The following GABRA6 variants were observed in gnomAD, a reference collection of about 807,000 sequenced individuals.
GABRA6 encodes gamma-aminobutyric acid type A receptor subunit alpha6, also known as gamma-aminobutyric acid receptor subunit alpha-6.
A neutral mutation model predicts 47.3 loss-of-function variants in GABRA6; 45 were observed. The observed-to-expected ratio is 0.95, with a 90% CI of 0.75 to 1.22. The LOEUF (loss-of-function observed/expected upper bound fraction) is 1.22. Ranked by LOEUF, GABRA6 falls within the 50% of genes most tolerant of loss-of-function variation. The pLI, the probability that GABRA6 is intolerant of heterozygous loss-of-function variation, is 0.00. For missense variants in GABRA6, 583 were observed against 549.3 expected, an observed-to-expected ratio of 1.06 and a Z score of -0.61; for synonymous variants, 219 against 194.7, an observed-to-expected ratio of 1.12 and a Z score of -1.04.
intron 8 of GABRA6, among the ~76,000 whole-genome samples, chr5:161,694,618 A>C (rs2113079722): frequency 6.6e-6 from 1 of 152,260 alleles, no homozygotes; most frequent in East Asian, 1.9e-4. Context: ...GATTTTAAAA[A>C]ATGGTATGTA....
chr5:161,686,564 G>A (rs1754705475), intron 2 of GABRA6, among the ~76,000 whole-genome samples: 1 of 152,176 alleles, frequency 6.6e-6, no homozygotes, highest in African/African-American at 2.4e-5. Flanking sequence ...CTAAATTGTA[G>A]TGTGGGTATA....
intron 3 of GABRA6, 50 bp from the exon 4 acceptor site, chr5:161,688,899 T>C: frequency 6.6e-7 from 1 of 1,519,112 alleles, no homozygotes; most frequent in Non-Finnish European, 9.1e-7. Flanking sequence ...AATAAACTAT[T>C]CTTAGCAAAC....
Position 161,689,731 on chromosome 5 carries a change from G to T in GABRA6, c.625G>T (p.Asp209Tyr), listed in dbSNP as rs145469537. ...PEESSSLLQY[D>Y]LIGQTVSSET... The stretch of plus-strand genomic sequence containing the variant: ...AGAATCTTCAAGCCTTCTCCAGTAT[G>T]ATCTGATTGGACAAACAGTATCTAG... Residue 209 changes from aspartate (D) to tyrosine (Y), a missense_variant, in exon 6 of 9, where the codon GAT (aspartate) becomes TAT (tyrosine). Transcript: ENST00000274545. 2 of 1,613,184 alleles carry T rather than the reference G, an allele frequency of 1.2e-6. No individual in the cohort carries two copies.
At chr5:161,688,632 T>TA (rs1754736797) in intron 3 of GABRA6, among the ~76,000 whole-genome samples, 1 of 152,130 alleles carries the variant, frequency 6.6e-6, no homozygotes, top group Admixed American at 6.6e-5. Flanking sequence ...AATATTTCCA[T>TA]ATTTTTTTTC....
intron 3 of GABRA6, chr5:161,687,674 T>C (rs2113067052): frequency 3.3e-6 from 1 of 304,070 alleles, no homozygotes; most frequent in East Asian, 9.3e-5. Flanking sequence ...ATATGAATGC[T>C]GAAGTAAACA....
chr5:161,693,104 A>G (rs1179308364), intron 8 of GABRA6, among the ~76,000 whole-genome samples: 4 of 152,146 alleles, frequency 2.6e-5, no homozygotes, highest in Non-Finnish European at 5.9e-5. Flanking sequence ...TTTTTTTACA[A>G]CTGATCCATT....
chr5:161,689,246 G>A lies in GABRA6; in HGVS notation c.447-8G>A, dbSNP rs201444077. 6.2e-7 allele frequency: 1 copy of A among 1,613,932 alleles called. No individual in the cohort carries two copies. The highest frequency in any genetic ancestry group is 2.2e-5 in the East Asian group (1 of 44,876). ...CTAACTCAGAACCGTTGATTTCAAT[G>A]TTTCTAGGCTTACCATCAATGCTGA... On this transcript the variant is annotated splice_polypyrimidine_tract_variant and splice_region_variant and intron_variant, in intron 4 of 8. Transcript: ENST00000274545.
At chr5:161,693,815 T>C (rs13190034) in intron 8 of GABRA6, among the ~76,000 whole-genome samples, 85,465 of 151,838 alleles carry the variant, frequency 0.56, 24,683 homozygotes, top group Non-Finnish European at 0.64. Flanking sequence ...TAGATACTGT[T>C]TTTGTAATAA....
chr5:161,694,585 T>G (rs991619923), intron 8 of GABRA6, among the ~76,000 whole-genome samples: 1 of 152,148 alleles, frequency 6.6e-6, no homozygotes, highest in East Asian at 1.9e-4. Context: ...TAACATATAA[T>G]GAGTAGGTCC....
At chr5:161,699,741 T>G (rs977740320) in intron 8 of GABRA6, among the ~76,000 whole-genome samples, 1 of 151,978 alleles carries the variant, frequency 6.6e-6, no homozygotes, top group Non-Finnish European at 1.5e-5. Context: ...ATTACAAGCA[T>G]CAGCCACCAT....
intron 8 of GABRA6, 125 bp from the exon 9 acceptor site, chr5:161,701,373 T>C (rs1258689941): frequency 6.0e-6 from 6 of 1,003,350 alleles, no homozygotes; most frequent in South Asian, 1.3e-5. Flanking sequence ...AATTCATTGA[T>C]GTTTGACCTT....
chr5:161,690,071 T>C (rs1754766030), intron 6 of GABRA6, 130 bp from the exon 7 acceptor site: 2 of 860,796 alleles, frequency 2.3e-6, no homozygotes, highest in Admixed American at 3.8e-5. Flanking sequence ...CTTTCTCATA[T>C]ACTGAAATGT....
intron 8 of GABRA6, among the ~76,000 whole-genome samples, chr5:161,692,591 A>G (rs1368883871): frequency 6.6e-6 from 1 of 152,220 alleles, no homozygotes; most frequent in Non-Finnish European, 1.5e-5. Context: ...AAGGACTTCT[A>G]TGGAATGGAC....
intron 5 of GABRA6, 70 bp from the exon 6 acceptor site, chr5:161,689,564 ATG>A: frequency 7.5e-7 from 1 of 1,324,872 alleles, no homozygotes; most frequent in South Asian, 1.2e-5. Context: ...TTTATAGACA[ATG>A]TGCACTTTGA....
Position 161,686,978 on chromosome 5 carries a change from T to C in GABRA6, c.200T>C (p.Phe67Ser), listed in dbSNP as rs1268769978. The change falls in exon 3 of 9, where the codon TTT becomes TCT. Residue 67 changes from phenylalanine to serine, a missense_variant. Physicochemically the swap from Phe to Ser is radical, Grantham distance 155 (BLOSUM62 -2). Coordinates refer to ENST00000274545, the MANE Select transcript of GABRA6 (RefSeq NM_000811.3). ...EVKTDIYVTS[F>S]GPVSDVEMEY... ...AAAACAGACATTTATGTGACCAGTT[T>C]TGGGCCCGTGTCAGATGTGGAGATG... is the stretch of plus-strand genomic sequence containing the variant. The C allele has an allele frequency of 1.9e-6, 3 of 1,613,958 alleles. No homozygotes were observed. Among genetic ancestry groups the C allele is most frequent in the Admixed American group, 3.3e-5 (2 of 60,016 alleles).
At chr5:161,686,711 C>A (rs965536665) in intron 2 of GABRA6, among the ~76,000 whole-genome samples, 2 of 152,166 alleles carry the variant, frequency 1.3e-5, no homozygotes, top group Non-Finnish European at 2.9e-5. Flanking sequence ...AATCTAGCTT[C>A]TTTCATTCTT....
chr5:161,690,744 T>C (rs986469451), intron 7 of GABRA6, among the ~76,000 whole-genome samples: 5 of 152,340 alleles, frequency 3.3e-5, no homozygotes, highest in African/African-American at 9.6e-5. Context: ...TTGAACCATA[T>C]AAAATTGTCA....
chr5:161,694,886 A>G (rs1371489436), intron 8 of GABRA6, among the ~76,000 whole-genome samples: 1 of 152,162 alleles, frequency 6.6e-6, no homozygotes, highest in Non-Finnish European at 1.5e-5. Context: ...AAACCTTGGC[A>G]AGTTGTCTTA....
In GABRA6 at chr5:161,697,505, A is replaced by G. The variant is rs540714232; in HGVS notation, c.1087-3993A>G. On this transcript the variant is annotated intron_variant, in intron 8 of 8. Transcript: ENST00000274545. ...ATTTGCTGCCTGTAGAAATTTCCCC[A>G]ATCACTCCCGGGCAGTGGGACACTT... Among the ~76,000 whole-genome samples the G allele has an allele frequency of 1.2e-4, 19 of 152,152 alleles. No homozygotes were observed. In the South Asian group the frequency reaches 3.5e-3, roughly 28 times the overall value.
Sources: allele counts gnomAD v4.1 joint callset (sites outside exome capture counted in the v4.1 genomes callset), GRCh38; gene constraint gnomAD v4.1.1; transcripts MANE v1.5; gene names NCBI Gene and HGNC (gene_info 2026-07-23, HGNC 2026-07-21).